The following DIP2A variants were observed in gnomAD, a reference collection of about 807,000 sequenced individuals.
The protein encoded by DIP2A is DIP2 acetate--CoA ligase A.
In DIP2A, 85 loss-of-function variants were observed where a neutral mutation model predicts 177.4. The ratio of observed to expected loss-of-function variants is 0.48; its 90% confidence interval spans 0.40 to 0.57. The LOEUF (loss-of-function observed/expected upper bound fraction) is 0.57. Ranked by LOEUF, DIP2A falls within the 20% of genes least tolerant of loss-of-function variation. DIP2A has a pLI of 0.00. For missense variants in DIP2A, 1,791 were observed against 2,100.2 expected (o/e 0.85, Z 2.88); for synonymous variants, 886 against 881.8 (o/e 1.00, Z -0.08).
At chr21:46,564,039 C>CT in intron 35 of DIP2A, 107 bp downstream of exon 35, 1 of 1,301,964 alleles carries the variant, frequency 7.7e-7, no homozygotes, top group Non-Finnish European at 1.1e-6. Flanking sequence ...CTTTGGGAAT[C>CT]TACCAGAAAC....
In DIP2A at chr21:46,537,498, C is replaced by T. The variant is rs527302176; in HGVS notation, c.1760C>T (p.Ala587Val). The T allele has an allele frequency of 1.2e-4, 200 of 1,614,194 alleles. 4 individuals carry two copies. In the South Asian group the frequency reaches 2.0e-3, roughly 16 times the overall value. The change falls in exon 15 of 38, where the codon GCG becomes GTG. Residue 587 changes from alanine to valine, a missense_variant. Ala to Val is a moderately conservative substitution (Grantham distance 64, BLOSUM62 0). Coordinates refer to ENST00000417564, the MANE Select transcript of DIP2A (RefSeq NM_015151.4). The surrounding 1 kb of genome is among the most constrained non-coding windows in gnomAD (Gnocchi z 4.1). Reference protein sequence around the residue: ...VVSVPYALMKANPLSWIQKVC... With the variant: ...VVSVPYALMKVNPLSWIQKVC... ...AGCGTCCCCTACGCGCTGATGAAGG[C>T]GAACCCACTCTCCTGGATCCAGAAA...
chr21:46,473,755 A>G (rs901405605), intron 1 of DIP2A, among the ~76,000 whole-genome samples: 1 of 152,084 alleles, frequency 6.6e-6, no homozygotes, highest in Non-Finnish European at 1.5e-5. Flanking sequence ...ACTTCAAGTG[A>G]TCCACCCACT....
Position 46,552,485 on chromosome 21 carries a change from G to A in DIP2A, c.3030+581G>A, listed in dbSNP as rs562210802. On this transcript the variant is annotated intron_variant, in intron 25 of 37. Coordinates refer to ENST00000417564, the MANE Select transcript of DIP2A (RefSeq NM_015151.4). ...GGTTGTGGGCAGGAATGCGAAATGC[G>A]GAAACACAGAAAGTTAAATAACTTA... 1.0e-3 allele frequency among the ~76,000 whole-genome samples: 157 copies of A among 152,216 alleles called. No individual in the cohort carries two copies. The Middle Eastern group carries it at 0.017, about 16-fold the overall frequency.
intron 18 of DIP2A, among the ~76,000 whole-genome samples, chr21:46,543,560 C>CAGGCATGCACGCAGCACTCCCCT (rs1225238988): frequency 2.0e-5 from 3 of 152,332 alleles, no homozygotes; most frequent in Middle Eastern, 3.4e-3. Flanking sequence ...GGCACTCCCC[C>CAGGCATGCACGCAGCACTCCCCT]AGGTGGACCC....
At chr21:46,567,269 G>C in intron 37 of DIP2A, 101 bp from the exon 38 acceptor site, 2 of 1,491,162 alleles carry the variant, frequency 1.3e-6, no homozygotes, top group South Asian at 2.6e-5. Context: ...GTGTGACATT[G>C]GTGGGCTTCA....
Position 46,480,375 on chromosome 21 carries a change from C to T in DIP2A, c.92-4382C>T, listed in dbSNP as rs1440709346. On this transcript the variant is annotated intron_variant, in intron 1 of 37. Coordinates refer to ENST00000417564, the MANE Select transcript of DIP2A (RefSeq NM_015151.4). ...TGGGGAAAAACCTGCCCCCGTGATTCAGTTACCTCCCACTGGGTCCCTCCC... is the reference window on the plus strand; with the variant it reads ...TGGGGAAAAACCTGCCCCCGTGATTTAGTTACCTCCCACTGGGTCCCTCCC... Among the ~76,000 whole-genome samples, 5 of 152,182 alleles carry T rather than the reference C, an allele frequency of 3.3e-5. No homozygotes were observed. The East Asian group carries it at 9.6e-4, about 29-fold the overall frequency.
chr21:46,494,485 T>C (rs566609769), intron 3 of DIP2A, among the ~76,000 whole-genome samples: 2 of 152,340 alleles, frequency 1.3e-5, no homozygotes, highest in South Asian at 4.1e-4. Context: ...AGTTCTTAGA[T>C]TGATTTCCTT....
At chr21:46,538,044 G>A (rs116897734) in intron 15 of DIP2A, among the ~76,000 whole-genome samples, 2,798 of 152,218 alleles carry the variant, frequency 0.018, 34 homozygotes, top group Non-Finnish European at 0.026. Context: ...CTGAAGCTTG[G>A]GTAGGGGTGG....
In DIP2A at chr21:46,540,808, G is replaced by A. The variant is rs145457081; in HGVS notation, c.2036+817G>A. ...GCAGGTGGATCACCTTAGGTTAGGA[G>A]TTCGAGACCGGCCTGGCCAACATAG... On this transcript the variant is annotated intron_variant, in intron 17 of 37. Transcript: ENST00000417564. 6.1e-3 allele frequency among the ~76,000 whole-genome samples: 922 copies of A among 152,232 alleles called. 7 individuals are homozygous for A. Among genetic ancestry groups the A allele is most frequent in the African/African-American group, 0.021 (872 of 41,542 alleles).
intron 3 of DIP2A, among the ~76,000 whole-genome samples, chr21:46,495,272 C>G (rs1173804154): frequency 7.1e-6 from 1 of 141,374 alleles, no homozygotes; most frequent in Non-Finnish European, 1.5e-5. Flanking sequence ...CTCTCTCTCT[C>G]TCTCTCTGTT....
intron 1 of DIP2A, among the ~76,000 whole-genome samples, chr21:46,467,249 T>C (rs897072623): frequency 7.0e-6 from 1 of 141,898 alleles, no homozygotes; most frequent in Non-Finnish European, 1.5e-5. Context: ...TGAGCCGATA[T>C]CGCACCGCTG....
At chr21:46,554,510 G>A in intron 26 of DIP2A, 65 bp from the exon 27 acceptor site, 3 of 1,589,366 alleles carry the variant, frequency 1.9e-6, no homozygotes, top group Non-Finnish European at 2.6e-6. Context: ...CGCAGGAACA[G>A]TGAACAGAGG....
chr21:46,566,006 TG>T, intron 36 of DIP2A, 119 bp downstream of exon 36: 2 of 1,199,650 alleles, frequency 1.7e-6, no homozygotes, highest in Non-Finnish European at 1.2e-6. Context: ...TTGCTCCTTG[TG>T]GGGGGAAGAT....
At chr21:46,545,332 C>T in intron 19 of DIP2A, 59 bp downstream of exon 19, 1 of 1,548,468 alleles carries the variant, frequency 6.5e-7, no homozygotes, top group Non-Finnish European at 8.8e-7. Context: ...CTCATGGGGT[C>T]CCAGGTGTGC....
intron 26 of DIP2A, 49 bp downstream of exon 26, chr21:46,554,341 C>T (rs1457758692): frequency 6.2e-7 from 1 of 1,607,384 alleles, no homozygotes; most frequent in East Asian, 2.2e-5. Flanking sequence ...TAAGCAGCCT[C>T]CTATCCTAAG....
In DIP2A at chr21:46,534,657, G is replaced by T; in HGVS notation, c.1612G>T (p.Ala538Ser). 6.2e-7 allele frequency: 1 copy of T among 1,611,670 alleles called. No individual in the cohort carries two copies. Among genetic ancestry groups the T allele is most frequent in the Non-Finnish European group, 8.5e-7 (1 of 1,179,852 alleles). Reference protein sequence around the residue: ...SHASLLAQCRALTQACGYSEA... With the variant: ...SHASLLAQCRSLTQACGYSEA... ...CGCATCCCTGCTGGCACAGTGCCGG[G>T]CTCTGACCCAGGCGTGCGGGTACTC... Residue 538 changes from alanine (A) to serine (S), a missense_variant, in exon 13 of 38, where the codon GCT (alanine) becomes TCT (serine). Coordinates refer to ENST00000417564, the MANE Select transcript of DIP2A (RefSeq NM_015151.4).
At chr21:46,554,720 C>T in intron 27 of DIP2A, 24 bp downstream of exon 27, 1 of 1,555,124 alleles carries the variant, frequency 6.4e-7, no homozygotes, top group Non-Finnish European at 8.7e-7. Context: ...GCCCGCGGGT[C>T]AGAGTCTGTG....
At chr21:46,523,538 C>T (rs2058927017) in intron 8 of DIP2A, among the ~76,000 whole-genome samples, 1 of 151,876 alleles carries the variant, frequency 6.6e-6, no homozygotes, top group Non-Finnish European at 1.5e-5. Context: ...AGCCACTGCA[C>T]CTGGCCCATA....
intron 34 of DIP2A, among the ~76,000 whole-genome samples, chr21:46,562,337 G>A (rs1021516088): frequency 6.6e-6 from 1 of 152,228 alleles, no homozygotes; most frequent in Non-Finnish European, 1.5e-5. Flanking sequence ...TCTGAACCAG[G>A]AAGGGTTCAA....
Sources: gnomAD v4.1 joint callset for allele counts (sites outside exome capture counted in the v4.1 genomes callset) on GRCh38, gnomAD v4.1.1 for gene constraint, Gnocchi (gnomAD v3.1) non-coding constraint, MANE v1.5 for transcripts, NCBI Gene and HGNC (gene_info 2026-07-23, HGNC 2026-07-21) for gene names.